The following TRRAP variants were observed in gnomAD, a reference collection of about 807,000 sequenced individuals.
TRRAP encodes the protein transformation/transcription domain associated protein.
In TRRAP, 41 loss-of-function variants were observed where a neutral mutation model predicts 438.8. The observed-to-expected ratio is 0.09, with a 90% CI of 0.07 to 0.12. The LOEUF is 0.12. Among genes scored for constraint, TRRAP ranks in the 10% least tolerant of loss-of-function variants. TRRAP has a pLI of 1.00. For synonymous variants in TRRAP, 1,994 were observed against 1,962.9 expected (o/e 1.02, Z -0.42); for missense variants, 3,122 against 5,055.1 (o/e 0.62, Z 11.60).
chr7:98,956,451 C>T lies in TRRAP; in HGVS notation c.6149C>T (p.Ser2050Leu), dbSNP rs1791617298. The change falls in exon 43 of 73, where the codon TCA becomes TTA. Residue 2050 changes from serine (S) to leucine (L), a missense_variant. By Grantham distance (145) the Ser-to-Leu change is moderately radical. This residue lies in a region of TRRAP where 992 missense variants were observed against 1,281.2 expected (regional missense o/e 0.77). Coordinates refer to ENST00000456197, the MANE Select transcript of TRRAP (RefSeq NM_001375524.1). The surrounding 1 kb of genome is among the most constrained non-coding windows in gnomAD (Gnocchi z 4.5). The stretch of plus-strand genomic sequence containing the variant: ...AGTGGAGAAGGAGTCAATTCTGTCT[C>T]ATCCTCCATTAAGAGAGGCCTGTCC... ...NSSGEGVNSV[S>L]SSIKRGLSVD... is the part of the protein sequence containing the mutation. The T allele has an allele frequency of 2.5e-6, 4 of 1,614,118 alleles. No homozygotes were observed. The highest frequency in any genetic ancestry group is 1.1e-5 in the South Asian group (1 of 91,088).
At chr7:98,951,312 TG>T (rs1791327808) in intron 39 of TRRAP, among the ~76,000 whole-genome samples, 1 of 152,170 alleles carries the variant, frequency 6.6e-6, no homozygotes, top group Non-Finnish European at 1.5e-5. Flanking sequence ...TGAAAACCCC[TG>T]TTGCCGGTCA....
At position 98,956,070 on chromosome 7, in the gene TRRAP, T is replaced by C; in HGVS notation, c.5938-76T>C. 1 of 1,517,758 alleles carries C rather than the reference T, an allele frequency of 6.6e-7. No individual in the cohort carries two copies. The highest frequency in any genetic ancestry group is 2.3e-5 in the East Asian group (1 of 43,922). 94.0% of individuals were successfully genotyped at this position (1,517,758 alleles called of 1,614,324 possible). On this transcript the variant is annotated intron_variant, in intron 41 of 72. Coordinates refer to ENST00000456197, the MANE Select transcript of TRRAP (RefSeq NM_001375524.1). The surrounding 1 kb of genome is among the most constrained non-coding windows in gnomAD (Gnocchi z 4.5). Reference sequence around the variant, plus strand: ...GAGAGGCATGTCGGGGGTGTGTGTGTGCACGTGCGCACACGTGCATGCACT... The same window carrying C: ...GAGAGGCATGTCGGGGGTGTGTGTGCGCACGTGCGCACACGTGCATGCACT...
intron 49 of TRRAP, among the ~76,000 whole-genome samples, chr7:98,966,776 G>A (rs1368301866): frequency 1.3e-5 from 2 of 152,052 alleles, no homozygotes; most frequent in African/African-American, 2.4e-5. Context: ...AGTAATAATA[G>A]AGACTATCAT....
At chr7:98,879,811 T>C (rs1795335307) in intron 1 of TRRAP, among the ~76,000 whole-genome samples, 1 of 151,882 alleles carries the variant, frequency 6.6e-6, no homozygotes, top group Non-Finnish European at 1.5e-5. Flanking sequence ...TAGGAGAGAG[T>C]GGCCGGAAGG....
intron 60 of TRRAP, 32 bp from the exon 61 acceptor site, chr7:98,984,061 G>T: frequency 6.5e-7 from 1 of 1,540,080 alleles, no homozygotes; most frequent in Non-Finnish European, 8.7e-7. Context: ...GAGGATCGGT[G>T]TGGGCTAATG....
chr7:98,978,718 C>A, intron 57 of TRRAP, 51 bp from the exon 58 acceptor site: 1 of 1,611,624 alleles, frequency 6.2e-7, no homozygotes, highest in Non-Finnish European at 8.5e-7. Flanking sequence ...TTTGTGAATT[C>A]ATGAGTGTGC....
At chr7:98,942,308 A>AG (rs1445490163) in intron 30 of TRRAP, among the ~76,000 whole-genome samples, 1 of 152,136 alleles carries the variant, frequency 6.6e-6, no homozygotes, top group Non-Finnish European at 1.5e-5. Flanking sequence ...CCCCTTCCCT[A>AG]GGGTCCCCAT....
At position 99,009,619 on chromosome 7, in the gene TRRAP, G is replaced by T. The variant is rs903901285; in HGVS notation, c.10938+1058G>T. 9.8e-5 allele frequency among the ~76,000 whole-genome samples: 15 copies of T among 152,336 alleles called. No homozygotes were observed. The South Asian group carries it at 1.4e-3, about 15-fold the overall frequency. On this transcript the variant is annotated intron_variant, in intron 70 of 72. Coordinates refer to ENST00000456197, the MANE Select transcript of TRRAP (RefSeq NM_001375524.1). ...TCTGTGGATGATGGGCAGTTCTGAGGTATTTGCAGGAGAGGAATGGATTAT... is the reference window on the plus strand; with the variant it reads ...TCTGTGGATGATGGGCAGTTCTGAGTTATTTGCAGGAGAGGAATGGATTAT...
chr7:98,954,889 G>A (rs954341931), intron 40 of TRRAP, among the ~76,000 whole-genome samples: 3 of 152,206 alleles, frequency 2.0e-5, no homozygotes, highest in African/African-American at 7.2e-5. Context: ...GCACGGGCAC[G>A]TAGTAGGTGC....
intron 21 of TRRAP, among the ~76,000 whole-genome samples, chr7:98,922,796 G>A (rs1036282144): frequency 1.3e-5 from 2 of 152,052 alleles, no homozygotes; most frequent in Admixed American, 1.3e-4. Flanking sequence ...CGTGTGGCCT[G>A]GAACTGCTCC....
chr7:98,906,282 G>T, intron 13 of TRRAP, 27 bp downstream of exon 13: 3 of 1,603,458 alleles, frequency 1.9e-6, no homozygotes, highest in Middle Eastern at 1.7e-4. Context: ...GTGATATCTG[G>T]TTGGTTAAAT....
At chr7:98,965,146 G>A (rs895780351) in intron 48 of TRRAP, among the ~76,000 whole-genome samples, 14 of 151,950 alleles carry the variant, frequency 9.2e-5, no homozygotes, top group Non-Finnish European at 1.5e-5. Context: ...GTGTGCATGT[G>A]CACACACACA....
intron 30 of TRRAP, among the ~76,000 whole-genome samples, chr7:98,940,721 G>T (rs1554415413): frequency 3.3e-5 from 5 of 152,184 alleles, no homozygotes; most frequent in African/African-American, 9.7e-5. Flanking sequence ...TTTTCATCCA[G>T]CATCCACCTG....
At position 99,005,306 on chromosome 7, in the gene TRRAP, G is replaced by A; in HGVS notation, c.10711G>A (p.Glu3571Lys). 1 of 1,614,042 alleles carries A rather than the reference G, an allele frequency of 6.2e-7. No individual in the cohort carries two copies. Among genetic ancestry groups the A allele is most frequent in the Non-Finnish European group, 8.5e-7 (1 of 1,180,020 alleles). ...QLLRLLNPCL[E>K]KRKETTKRHL... ...GCTGCGTCTGCTGAACCCCTGTTTG[G>A]AGAAGAGAAAGGAGACCACCAAGAG... The change falls in exon 69 of 73, where the codon GAG (glutamate) becomes AAG (lysine). Residue 3571 changes from glutamate to lysine, a missense_variant. Glu to Lys is a moderately conservative substitution (Grantham distance 56). Coordinates refer to ENST00000456197, the MANE Select transcript of TRRAP (RefSeq NM_001375524.1). The surrounding 1 kb of genome is among the most constrained non-coding windows in gnomAD (Gnocchi z 5.1).
rs1554406284 is a variant in TRRAP, at chr7:98,899,404, C to T, written c.634-18C>T. ...TGCCACAATGGTAACCCGGGTCCTA[C>T]CCATTTCTGTCTTCCAGCATTCCAT... is the stretch of plus-strand genomic sequence containing the variant. On this transcript the variant is annotated intron_variant, in intron 8 of 72. Transcript: ENST00000456197. The T allele has an allele frequency of 6.2e-7, 1 of 1,613,472 alleles. No homozygotes were observed. The highest frequency in any genetic ancestry group is 8.5e-7 in the Non-Finnish European group (1 of 1,179,434).
Position 99,011,390 on chromosome 7 carries a change from C to T in TRRAP, c.11192C>T (p.Ala3731Val), listed in dbSNP as rs761844272. The T allele has an allele frequency of 1.5e-5, 24 of 1,614,124 alleles. No homozygotes were observed. The highest frequency in any genetic ancestry group is 3.3e-5 in the South Asian group (3 of 91,084). ...VAYFRFDINDATGDLDANRPV... is the reference protein window; with the variant it reads ...VAYFRFDINDVTGDLDANRPV... ...TACTTTCGATTTGACATAAACGACG[C>T]GACTGGAGACCTGGATGCCAACCGT... Residue 3731 changes from alanine (A) to valine (V), a missense_variant, in exon 72 of 73, where the codon GCG becomes GTG. Physicochemically the swap from Ala to Val is moderately conservative, Grantham distance 64 (BLOSUM62 0). Transcript: ENST00000456197. The surrounding 1 kb of genome is among the most constrained non-coding windows in gnomAD (Gnocchi z 7.1).
intron 26 of TRRAP, among the ~76,000 whole-genome samples, chr7:98,931,900 T>A (rs1790342652): frequency 6.6e-6 from 1 of 152,006 alleles, no homozygotes; most frequent in South Asian, 2.1e-4. Context: ...TTTATTGATT[T>A]ATTTTTTCTT....
chr7:98,946,984 T>C (rs1791111000), intron 33 of TRRAP, among the ~76,000 whole-genome samples: 1 of 152,252 alleles, frequency 6.6e-6, no homozygotes, highest in African/African-American at 2.4e-5. Context: ...TTTTCCTCAT[T>C]TTGTCTCCAT....
At chr7:98,915,964 G>A (rs1373939697) in intron 19 of TRRAP, 76 bp downstream of exon 19, 2 of 1,563,594 alleles carry the variant, frequency 1.3e-6, no homozygotes, top group Admixed American at 1.8e-5. Context: ...TGATTGCTGG[G>A]TTTCATCCTC....
Sources: allele counts gnomAD v4.1 joint callset (sites outside exome capture counted in the v4.1 genomes callset), GRCh38; gene constraint gnomAD v4.1.1; regional missense constraint gnomAD v4.1.1; non-coding constraint Gnocchi (gnomAD v3.1); transcripts MANE v1.5; gene names NCBI Gene and HGNC (gene_info 2026-07-23, HGNC 2026-07-21).